FAM210A: variants seen among roughly 807,000 people sequenced by gnomAD.
FAM210A encodes the protein mitochondrial inner membrane scaffold 1, also known as family with sequence similarity 210 member A.
Under a neutral mutation model 25.3 loss-of-function variants are expected in FAM210A, and 13 were observed. The ratio of observed to expected loss-of-function variants is 0.51; its 90% CI spans 0.33 to 0.82. FAM210A has a LOEUF of 0.82. Among genes scored for constraint, FAM210A ranks in the 40% least tolerant of loss-of-function variants. The pLI is 0.02. For synonymous variants in FAM210A, 125 were observed against 118.7 expected (o/e 1.05, Z -0.35); for missense variants, 319 against 323.2 (o/e 0.99, Z 0.10).
chr18:13,704,681 G>A (rs2043764926), intron 1 of FAM210A, among the ~76,000 whole-genome samples: 1 of 152,102 alleles, frequency 6.6e-6, no homozygotes, highest in East Asian at 1.9e-4. Context: ...TACATGTGAA[G>A]AATTGTCAAA....
At chr18:13,691,713 G>C (rs1430784262) in intron 1 of FAM210A, among the ~76,000 whole-genome samples, 1 of 148,560 alleles carries the variant, frequency 6.7e-6, no homozygotes, top group Non-Finnish European at 1.5e-5. Context: ...GAGAGATTTT[G>C]TCACCACCAG....
At chr18:13,670,503 A>G (rs1291310010) in intron 3 of FAM210A, among the ~76,000 whole-genome samples, 4 of 152,214 alleles carry the variant, frequency 2.6e-5, no homozygotes, top group Non-Finnish European at 5.9e-5. Flanking sequence ...TAAAACTGTA[A>G]TTCTTAGATA....
At chr18:13,678,491 T>C (rs935883479) in intron 2 of FAM210A, among the ~76,000 whole-genome samples, 9 of 152,148 alleles carry the variant, frequency 5.9e-5, no homozygotes, top group Admixed American at 1.3e-4. Context: ...GGTTTCTCCA[T>C]GTTGGTTAGG....
At chr18:13,705,617 G>A (rs1284205) in intron 1 of FAM210A, among the ~76,000 whole-genome samples, 130,400 of 151,990 alleles carry the variant, frequency 0.86, 56,020 homozygotes, top group East Asian at 0.95. Context: ...GACTACAGGC[G>A]TGTGCCACCA....
At chr18:13,707,997 A>G (rs1417253069) in intron 1 of FAM210A, among the ~76,000 whole-genome samples, 1 of 152,004 alleles carries the variant, frequency 6.6e-6, no homozygotes, top group Non-Finnish European at 1.5e-5. Context: ...CGAATAGTTC[A>G]TTGCTCAGTT....
chr18:13,726,163 T>A (rs920603022), intron 1 of FAM210A, among the ~76,000 whole-genome samples, 166 bp downstream of exon 1: 1 of 151,662 alleles, frequency 6.6e-6, no homozygotes, highest in Non-Finnish European at 1.5e-5. Flanking sequence ...GGTCGGCGAG[T>A]GTGGACGACC....
chr18:13,681,178 C>T (rs1025282470), intron 2 of FAM210A, among the ~76,000 whole-genome samples: 5 of 152,146 alleles, frequency 3.3e-5, no homozygotes, highest in South Asian at 4.1e-4. Flanking sequence ...TATGTCTGTG[C>T]TTTCCTGAAT....
chr18:13,725,684 A>G (rs913562039), intron 1 of FAM210A, among the ~76,000 whole-genome samples: 17 of 152,184 alleles, frequency 1.1e-4, no homozygotes, highest in Non-Finnish European at 8.8e-5. Flanking sequence ...CCCTGATCTC[A>G]GGTTGAAAGT....
intron 1 of FAM210A, among the ~76,000 whole-genome samples, chr18:13,686,333 CTTG>C (rs1383316524): frequency 1.4e-5 from 2 of 143,850 alleles, no homozygotes; most frequent in Non-Finnish European, 3.1e-5. Context: ...CTTGAAACTG[CTTG>C]TTATTGCCAT....
chr18:13,699,926 C>A (rs1425588257), intron 1 of FAM210A, among the ~76,000 whole-genome samples: 1 of 152,168 alleles, frequency 6.6e-6, no homozygotes, highest in Admixed American at 6.5e-5. Flanking sequence ...CAAAATCCTA[C>A]ACTATGGGTA....
intron 1 of FAM210A, among the ~76,000 whole-genome samples, chr18:13,688,251 G>A (rs148569858): frequency 2.0e-5 from 3 of 152,238 alleles, no homozygotes; most frequent in Middle Eastern, 3.4e-3. Context: ...GTGTGTGCCC[G>A]CTCTCTCCCA....
At chr18:13,702,728 T>C (rs1446387499) in intron 1 of FAM210A, among the ~76,000 whole-genome samples, 1 of 152,194 alleles carries the variant, frequency 6.6e-6, no homozygotes, top group East Asian at 1.9e-4. Flanking sequence ...TTCTCTTTCA[T>C]AGTGGTGATC....
At chr18:13,688,823 G>T (rs116647563) in intron 1 of FAM210A, among the ~76,000 whole-genome samples, 2 of 152,262 alleles carry the variant, frequency 1.3e-5, no homozygotes, top group Non-Finnish European at 2.9e-5. Flanking sequence ...TGGCCTGCAC[G>T]GAGTTCGCTC....
chr18:13,679,958 A>G lies in FAM210A; in HGVS notation c.473+1647T>C, dbSNP rs567829139. 2.0e-5 allele frequency among the ~76,000 whole-genome samples: 3 copies of G among 152,348 alleles called. No individual in the cohort carries two copies. In the East Asian group the frequency reaches 5.8e-4, roughly 29 times the overall value. ...ATAAGGAAAAGTAAAAGGAACAAAAATATTATTCTTAATAGCCTAAATGAG... is the reference window on the plus strand; with the variant it reads ...ATAAGGAAAAGTAAAAGGAACAAAAGTATTATTCTTAATAGCCTAAATGAG... On this transcript the variant is annotated intron_variant, in intron 2 of 3. Coordinates refer to ENST00000651643, the MANE Select transcript of FAM210A (RefSeq NM_152352.4).
At chr18:13,702,818 C>T (rs912256186) in intron 1 of FAM210A, among the ~76,000 whole-genome samples, 1 of 152,164 alleles carries the variant, frequency 6.6e-6, no homozygotes, top group Non-Finnish European at 1.5e-5. Context: ...TGATTCTCTT[C>T]CCCTCCAGGA....
chr18:13,666,795 C>A, intron 3 of FAM210A, 82 bp from the exon 4 acceptor site: 1 of 1,264,002 alleles, frequency 7.9e-7, no homozygotes, highest in Middle Eastern at 1.9e-4. Context: ...AATTAAAATT[C>A]TTGGTAATAA....
At chr18:13,715,303 AC>A (rs1420331649) in intron 1 of FAM210A, 1 of 152,170 alleles carries the variant, frequency 6.6e-6, no homozygotes, top group Non-Finnish European at 1.5e-5. Flanking sequence ...TCAGCACTGC[AC>A]ACTACAGCCC....
intron 1 of FAM210A, among the ~76,000 whole-genome samples, chr18:13,690,480 T>A (rs1207917681): frequency 6.6e-6 from 1 of 152,108 alleles, no homozygotes; most frequent in Non-Finnish European, 1.5e-5. Flanking sequence ...GACCCCCGAG[T>A]AGCCTAACTG....
intron 1 of FAM210A, among the ~76,000 whole-genome samples, chr18:13,696,590 C>T (rs760115510): frequency 1.3e-5 from 2 of 152,152 alleles, no homozygotes; most frequent in African/African-American, 4.8e-5. Context: ...TGCTTAATGA[C>T]ATCATATTCA....
Sources: allele counts gnomAD v4.1 joint callset (sites outside exome capture counted in the v4.1 genomes callset), GRCh38; gene constraint gnomAD v4.1.1; transcripts MANE v1.5; gene names NCBI Gene and HGNC (gene_info 2026-07-23, HGNC 2026-07-21).